The following VPS13B variants were observed in gnomAD, a reference collection of about 807,000 sequenced individuals.
VPS13B encodes the protein vacuolar protein sorting 13 homolog B.
In VPS13B, 285 loss-of-function variants were observed where a neutral mutation model predicts 426.4. The ratio of observed to expected loss-of-function variants is 0.67; its 90% CI spans 0.61 to 0.74. The LOEUF is 0.74. VPS13B is among the 30% of genes least tolerant of loss of function. The pLI is 0.00. For missense variants in VPS13B, 4,537 were observed against 4,782.6 expected (o/e 0.95, Z 1.51); for synonymous variants, 1,676 against 1,676.4 (o/e 1.00, Z 0.01).
chr8:99,023,320 C>T (rs1841990070), intron 2 of VPS13B, among the ~76,000 whole-genome samples: 1 of 151,866 alleles, frequency 6.6e-6, no homozygotes, highest in African/African-American at 2.4e-5. Flanking sequence ...CTTTTTCAGC[C>T]CTATGTATGA....
intron 54 of VPS13B, among the ~76,000 whole-genome samples, chr8:99,842,712 TATAA>T (rs1370602175): frequency 3.3e-5 from 5 of 152,230 alleles, no homozygotes; most frequent in Non-Finnish European, 7.3e-5. Context: ...ATTTGTTACA[TATAA>T]ATAATCATTC....
At chr8:99,230,147 G>T (rs575609907) in intron 17 of VPS13B, among the ~76,000 whole-genome samples, 2 of 151,902 alleles carry the variant, frequency 1.3e-5, no homozygotes, top group East Asian at 3.9e-4. Flanking sequence ...TTTTAGTTGG[G>T]TATATAGAAC....
intron 19 of VPS13B, among the ~76,000 whole-genome samples, chr8:99,288,728 C>G (rs528747825): frequency 8.5e-4 from 129 of 151,950 alleles, no homozygotes; most frequent in South Asian, 2.5e-3. Flanking sequence ...TAAAATGTGT[C>G]TTCTTTTTGA....
chr8:99,134,480 A>C, intron 8 of VPS13B, 152 bp from the exon 9 acceptor site: 1 of 597,282 alleles, frequency 1.7e-6, no homozygotes, highest in Non-Finnish European at 3.0e-6. Context: ...ATAATCTGTT[A>C]CAGCTGTTTT....
At chr8:99,330,967 G>T (rs1206735136) in intron 19 of VPS13B, among the ~76,000 whole-genome samples, 3 of 151,594 alleles carry the variant, frequency 2.0e-5, no homozygotes, top group Non-Finnish European at 3.0e-5. Flanking sequence ...TTGTATTCCT[G>T]GTAAGAATTC....
chr8:99,501,621 T>C, intron 25 of VPS13B, 66 bp from the exon 26 acceptor site: 1 of 1,481,694 alleles, frequency 6.7e-7, no homozygotes, highest in East Asian at 2.4e-5. Flanking sequence ...TTTTAATTTA[T>C]AATTTGTATT....
intron 21 of VPS13B, among the ~76,000 whole-genome samples, chr8:99,404,916 A>G (rs1815243279): frequency 1.3e-5 from 2 of 152,222 alleles, no homozygotes; most frequent in South Asian, 4.1e-4. Flanking sequence ...TCAGAAGGTG[A>G]AGATCATATT....
At chr8:99,577,714 G>T (rs1825843432) in intron 33 of VPS13B, 81 bp downstream of exon 33, 2 of 1,521,464 alleles carry the variant, frequency 1.3e-6, no homozygotes, top group South Asian at 2.3e-5. Context: ...TAATTAAGCT[G>T]ACTGCTTTCT....
chr8:99,639,985 G>GTAATAATAATAATAA (rs58877812), intron 33 of VPS13B, among the ~76,000 whole-genome samples: 1 of 81,232 alleles, frequency 1.2e-5, no homozygotes, highest in Non-Finnish European at 2.2e-5. Flanking sequence ...TTTAAAAATA[G>GTAATAATAATAATAA]TAATAATAAT....
intron 21 of VPS13B, among the ~76,000 whole-genome samples, chr8:99,425,649 C>A (rs544279683): frequency 1.3e-5 from 2 of 152,262 alleles, no homozygotes; most frequent in Admixed American, 1.3e-4. Context: ...CCTTTGAAAA[C>A]TGGCACAAGA....
At chr8:99,867,003 G>A (rs929141180) in intron 58 of VPS13B, among the ~76,000 whole-genome samples, 2 of 152,212 alleles carry the variant, frequency 1.3e-5, no homozygotes, top group African/African-American at 2.4e-5. Context: ...TGGGAAACAG[G>A]TCTGTTGCCT....
intron 17 of VPS13B, among the ~76,000 whole-genome samples, chr8:99,220,731 C>T (rs754713442): frequency 2.7e-5 from 4 of 148,704 alleles, no homozygotes; most frequent in Non-Finnish European, 5.9e-5. Context: ...ATTGATTCTA[C>T]ATCAGAAGAT....
At chr8:99,823,742 A>G (rs1274808921) in intron 50 of VPS13B, 90 bp from the exon 51 acceptor site, 13 of 1,386,030 alleles carry the variant, frequency 9.4e-6, no homozygotes, top group Non-Finnish European at 1.0e-5. Flanking sequence ...CTGGCAGACA[A>G]TTAGATAAAA....
intron 33 of VPS13B, among the ~76,000 whole-genome samples, chr8:99,581,764 C>A (rs538163604): frequency 6.6e-6 from 1 of 152,230 alleles, no homozygotes; most frequent in South Asian, 2.1e-4. Context: ...GGATACTCAA[C>A]CTGCGTTATG....
At chr8:99,598,661 T>C (rs1827133709) in intron 33 of VPS13B, among the ~76,000 whole-genome samples, 1 of 152,026 alleles carries the variant, frequency 6.6e-6, no homozygotes, top group African/African-American at 2.4e-5. Flanking sequence ...CTTTGATCTC[T>C]GCACTACATA....
intron 35 of VPS13B, among the ~76,000 whole-genome samples, chr8:99,665,497 A>G (rs1830448931): frequency 6.6e-6 from 1 of 152,226 alleles, no homozygotes; most frequent in Non-Finnish European, 1.5e-5. Context: ...ATTTTTGTAT[A>G]AGGTGTAAGG....
intron 5 of VPS13B, among the ~76,000 whole-genome samples, chr8:99,110,105 T>A (rs766598865): frequency 1.3e-5 from 2 of 152,184 alleles, no homozygotes; most frequent in Non-Finnish European, 2.9e-5. Flanking sequence ...TTGAAATTTA[T>A]CTGCAAATAA....
At chr8:99,847,350 T>C (rs1302161918) in intron 54 of VPS13B, among the ~76,000 whole-genome samples, 1 of 152,178 alleles carries the variant, frequency 6.6e-6, no homozygotes, top group Non-Finnish European at 1.5e-5. Context: ...AATAATATTT[T>C]TGATCAAATA....
chr8:99,075,777 C>A lies in VPS13B; in HGVS notation c.292-20535C>A, dbSNP rs1275382427. ...TCATTTGGGTCTTTGCTCCTTTTAA[C>A]ATGGTTAGTCTAGCTAAAAGTTTGT... is the stretch of plus-strand genomic sequence containing the variant. On this transcript the variant is annotated intron_variant, in intron 3 of 61. Coordinates refer to ENST00000357162, the MANE Select transcript of VPS13B (RefSeq NM_152564.5). Among the ~76,000 whole-genome samples the A allele has an allele frequency of 4.6e-5, 7 of 152,214 alleles. 1 individual carries two copies. The highest frequency in any genetic ancestry group is 1.7e-4 in the African/African-American group (7 of 41,546).
Sources: allele counts gnomAD v4.1 joint callset (sites outside exome capture counted in the v4.1 genomes callset), GRCh38; gene constraint gnomAD v4.1.1; transcripts MANE v1.5; gene names NCBI Gene and HGNC (gene_info 2026-07-23, HGNC 2026-07-21).